The following MYBPC2 variants were observed in gnomAD, a reference collection of about 807,000 sequenced individuals.
MYBPC2 encodes myosin binding protein C2, also known as myosin-binding protein C, fast-type.
MYBPC2 carries 122 observed loss-of-function variants against 137.0 expected under a neutral mutation model. The ratio of observed to expected loss-of-function variants is 0.89; its 90% CI spans 0.77 to 1.03. The LOEUF is 1.03. MYBPC2 is among the 50% of genes least tolerant of loss of function. The pLI is 0.00. For synonymous variants in MYBPC2, 626 were observed against 612.3 expected (o/e 1.02, Z -0.33); for missense variants, 1,500 against 1,534.4 (o/e 0.98, Z 0.37).
At chr19:50,453,036 T>C (rs1405915028) in intron 16 of MYBPC2, among the ~76,000 whole-genome samples, 1 of 152,188 alleles carries the variant, frequency 6.6e-6, no homozygotes, top group Non-Finnish European at 1.5e-5. Context: ...CCTAAAGTTT[T>C]CTCCGCACCA....
At chr19:50,464,162 G>A in intron 26 of MYBPC2, 184 bp from the exon 27 acceptor site, 1 of 564,492 alleles carries the variant, frequency 1.8e-6, no homozygotes, top group Non-Finnish European at 3.1e-6. Context: ...ACCCTGTGAA[G>A]TGGGATTATC....
chr19:50,463,071 G>A (rs1356203071), intron 26 of MYBPC2, among the ~76,000 whole-genome samples: 1 of 152,156 alleles, frequency 6.6e-6, no homozygotes, highest in African/African-American at 2.4e-5. Flanking sequence ...TTGCAACCTA[G>A]AGCTCATTTA....
chr19:50,437,535 G>A lies in MYBPC2; in HGVS notation c.512+14G>A, dbSNP rs2122578826. On this transcript the variant is annotated intron_variant, in intron 6 of 27. Coordinates refer to ENST00000357701, the MANE Select transcript of MYBPC2 (RefSeq NM_004533.4). ...CTTCAAGCGTACGTAAGTGACCCCAGGCCCTTACCAGGGTCCCAAGGACCA... is the reference window on the plus strand; with the variant it reads ...CTTCAAGCGTACGTAAGTGACCCCAAGCCCTTACCAGGGTCCCAAGGACCA... 1 of 1,608,862 alleles carries A rather than the reference G, an allele frequency of 6.2e-7. No individual in the cohort carries two copies. The highest frequency in any genetic ancestry group is 2.2e-5 in the East Asian group (1 of 44,742).
intron 13 of MYBPC2, among the ~76,000 whole-genome samples, chr19:50,449,345 G>C (rs1601289317): frequency 6.6e-6 from 1 of 152,184 alleles, no homozygotes; most frequent in East Asian, 1.9e-4. Flanking sequence ...GGGACAGCTG[G>C]GCGCCCAGCA....
chr19:50,436,283 C>T (rs1012595856), intron 4 of MYBPC2, 123 bp downstream of exon 4: 16 of 1,410,502 alleles, frequency 1.1e-5, no homozygotes, highest in Non-Finnish European at 1.5e-5. Context: ...AGAGTGGGCC[C>T]TCTGAGGATG....
intron 13 of MYBPC2, 66 bp downstream of exon 13, chr19:50,448,456 A>T: frequency 6.5e-7 from 1 of 1,538,982 alleles, no homozygotes. Flanking sequence ...TAGCTGTGTA[A>T]CAAGCTGTCC....
intron 18 of MYBPC2, 60 bp downstream of exon 18, chr19:50,454,429 T>A: frequency 2.2e-6 from 3 of 1,371,032 alleles, no homozygotes; most frequent in Admixed American, 2.5e-5. Context: ...TGTTTTTTTT[T>A]TTTTTTTTTT....
In MYBPC2 at chr19:50,448,386, G is replaced by A; in HGVS notation, c.1468G>A (p.Gly490Ser). ...CAAGAGGATCACCATTTCCCATGTA[G>A]GCAGGTGAGGAGTGGGCTGCAGAAG... ...PSKRITISHV[G>S]RFHKLVIDDV... Residue 490 changes from glycine to serine, a missense_variant, in exon 13 of 28, where the codon GGC becomes AGC. By Grantham distance (56) the Gly-to-Ser change is moderately conservative (BLOSUM62 0). Transcript: ENST00000357701. 3 of 1,613,472 alleles carry A rather than the reference G, an allele frequency of 1.9e-6. No homozygotes were observed. Among genetic ancestry groups the A allele is most frequent in the South Asian group, 2.2e-5 (2 of 91,050 alleles).
At chr19:50,452,037 T>C in intron 16 of MYBPC2, 34 bp downstream of exon 16, 2 of 1,544,310 alleles carry the variant, frequency 1.3e-6, no homozygotes, top group Non-Finnish European at 1.8e-6. Context: ...CCTCACTCCC[T>C]TTCCGTTTAG....
chr19:50,433,379 GT>G (rs1568655794), intron 1 of MYBPC2, among the ~76,000 whole-genome samples: 1 of 150,480 alleles, frequency 6.6e-6, no homozygotes, highest in Non-Finnish European at 1.5e-5. Context: ...TGTAGACTGG[GT>G]TTTTTTGTTT....
At chr19:50,462,103 C>T in intron 26 of MYBPC2, 67 bp downstream of exon 26, 1 of 1,496,630 alleles carries the variant, frequency 6.7e-7, no homozygotes. Context: ...ACAATGAAGC[C>T]CACTCCCCAT....
intron 14 of MYBPC2, 42 bp from the exon 15 acceptor site, chr19:50,451,238 G>T (rs764325731): frequency 1.9e-6 from 3 of 1,610,906 alleles, no homozygotes; most frequent in South Asian, 2.2e-5. Flanking sequence ...TGAGGGGCCT[G>T]CTGAGTTTAG....
At position 50,459,303 on chromosome 19, in the gene MYBPC2, G is replaced by C; in HGVS notation, c.2788G>C (p.Val930Leu). The C allele has an allele frequency of 6.3e-7, 1 of 1,599,932 alleles. No homozygotes were observed. The highest frequency in any genetic ancestry group is 8.5e-7 in the Non-Finnish European group (1 of 1,173,154). ...KDTATIRIRVVEKAGPPINVM... is the reference protein window; with the variant it reads ...KDTATIRIRVLEKAGPPINVM... ...CACCGCCACCATCCGCATCCGCGTTGTGGGTGCGCGCGCTGGGGAGGGCCC... is the reference window on the plus strand; with the variant it reads ...CACCGCCACCATCCGCATCCGCGTTCTGGGTGCGCGCGCTGGGGAGGGCCC... The change falls in exon 23 of 28, where the codon GTG (valine) becomes CTG (leucine). Residue 930 changes from valine (V) to leucine (L), a missense_variant. Transcript: ENST00000357701.
At chr19:50,440,064 CG>C (rs2039737139) in intron 7 of MYBPC2, among the ~76,000 whole-genome samples, 1 of 151,976 alleles carries the variant, frequency 6.6e-6, no homozygotes, top group Admixed American at 6.6e-5. Context: ...GGGGGAGTGA[CG>C]GAAGTAGCTG....
chr19:50,456,954 A>G (rs915327975), intron 20 of MYBPC2, among the ~76,000 whole-genome samples: 1 of 152,180 alleles, frequency 6.6e-6, no homozygotes, highest in Non-Finnish European at 1.5e-5. Flanking sequence ...TGCCATGGCT[A>G]TGGAGATGTC....
In MYBPC2 at chr19:50,454,349, AT is replaced by A. The variant is rs368059291; in HGVS notation, c.1995del (p.Asp665GlufsTer11). On this transcript the variant is annotated frameshift_variant, in exon 18 of 28. Coordinates refer to ENST00000357701, the MANE Select transcript of MYBPC2 (RefSeq NM_004533.4). LOFTEE classifies it high-confidence loss of function. ...CTTGTCTGGGAGCCACCAATGTACG[AT>A]GGGGGGAAGCCAGTCACCGGTGAGT... ...AILVWEPPMY[D>X]GGKPVTGYLV... 1,340 of 1,588,624 alleles carry A rather than the reference AT, an allele frequency of 8.4e-4. 8 individuals are homozygous for A. In the African/African-American group the frequency reaches 0.016, roughly 19 times the overall value.
At position 50,454,274 on chromosome 19, in the gene MYBPC2, A is replaced by C. The variant is rs2039887645; in HGVS notation, c.1919A>C (p.Asp640Ala). 6.2e-7 allele frequency: 1 copy of C among 1,612,860 alleles called. No individual in the cohort carries two copies. Among genetic ancestry groups the C allele is most frequent in the Non-Finnish European group, 8.5e-7 (1 of 1,179,650 alleles). ...CTCCTGCCCCCTGCAGATGTCCCAG[A>C]CCCCCCGGAGGCTGTGCGCATCACC... Reference protein sequence around the residue: ...SIFLQVVDVPDPPEAVRITSV... With the variant: ...SIFLQVVDVPAPPEAVRITSV... The change falls in exon 18 of 28, where the codon GAC (aspartate) becomes GCC (alanine). Residue 640 changes from aspartate to alanine, a missense_variant. Transcript: ENST00000357701.
At chr19:50,442,148 G>T (rs763006786) in intron 8 of MYBPC2, 33 bp from the exon 9 acceptor site, 8 of 1,564,856 alleles carry the variant, frequency 5.1e-6, no homozygotes, top group Non-Finnish European at 6.9e-6. Flanking sequence ...AGGACCACAC[G>T]CCTCCATCCC....
At chr19:50,437,929 C>T (rs1258357974) in intron 7 of MYBPC2, among the ~76,000 whole-genome samples, 2 of 152,122 alleles carry the variant, frequency 1.3e-5, no homozygotes, top group African/African-American at 2.4e-5. Flanking sequence ...CAGACCCCTA[C>T]CCACAACCCC....
Sources: gnomAD v4.1 joint callset for allele counts (sites outside exome capture counted in the v4.1 genomes callset) on GRCh38, gnomAD v4.1.1 for gene constraint, MANE v1.5 for transcripts, NCBI Gene and HGNC (gene_info 2026-07-23, HGNC 2026-07-21) for gene names.